Variants in COL24A1 observed in about 807,000 individuals in gnomAD.
The protein encoded by COL24A1 is collagen type XXIV alpha 1 chain, also known as collagen alpha-1(XXIV) chain.
In COL24A1, 224 loss-of-function variants were observed where a neutral mutation model predicts 253.9. That is an observed-to-expected ratio of 0.88 (90% CI 0.79 to 0.99). COL24A1 has a LOEUF of 0.99. Ranked by LOEUF, COL24A1 falls within the 50% of genes least tolerant of loss-of-function variation. The probability of loss-of-function intolerance (pLI) is 0.00; values close to 1 mark genes in which losing one functional copy is unlikely to be tolerated. For synonymous variants in COL24A1, 685 were observed against 673.7 expected, an observed-to-expected ratio of 1.02 and a Z score of -0.26; for missense variants, 2,131 against 2,068.5, an observed-to-expected ratio of 1.03 and a Z score of -0.59.
intron 53 of COL24A1, among the ~76,000 whole-genome samples, chr1:85,766,930 T>C (rs990610881): frequency 6.6e-6 from 1 of 151,844 alleles, no homozygotes; most frequent in African/African-American, 2.4e-5. Context: ...CAGTGAAACC[T>C]CGTTTCTACT....
intron 20 of COL24A1, among the ~76,000 whole-genome samples, chr1:85,980,134 C>T (rs1436671671): frequency 6.6e-6 from 1 of 152,144 alleles, no homozygotes; most frequent in Admixed American, 6.5e-5. Context: ...GAAAATTCAG[C>T]ATCATTTTAT....
chr1:85,822,121 G>A (rs1349743415), intron 45 of COL24A1, among the ~76,000 whole-genome samples: 2 of 151,980 alleles, frequency 1.3e-5, no homozygotes, highest in Non-Finnish European at 2.9e-5. Context: ...GCTTATCTTC[G>A]ATATGATATT....
At chr1:86,115,991 G>A (rs1197860507) in intron 3 of COL24A1, among the ~76,000 whole-genome samples, 1 of 152,168 alleles carries the variant, frequency 6.6e-6, no homozygotes, top group South Asian at 2.1e-4. Flanking sequence ...AGTGTTCTGA[G>A]TTATTTAAAT....
At chr1:86,012,061 T>G (rs140194936) in intron 19 of COL24A1, among the ~76,000 whole-genome samples, 109 of 152,084 alleles carry the variant, frequency 7.2e-4, no homozygotes, top group Admixed American at 1.2e-3. Flanking sequence ...TCAAGCAATC[T>G]TCTCATTGTA....
intron 31 of COL24A1, among the ~76,000 whole-genome samples, chr1:85,890,664 T>C (rs1043702338): frequency 6.6e-6 from 1 of 152,168 alleles, no homozygotes; most frequent in Non-Finnish European, 1.5e-5. Context: ...TCCTATATTG[T>C]GACAAATAAT....
In COL24A1 at chr1:85,896,345, T is replaced by G. The variant is rs778584990; in HGVS notation, c.2832+11A>C. The G allele has an allele frequency of 6.2e-7, 1 of 1,610,854 alleles. No individual in the cohort carries two copies. ...TTAACTACATATGAAATGAGAAAAA[T>G]CAATGATTACCTTGGCACCTTGTAT... On this transcript the variant is annotated intron_variant, in intron 29 of 59. Transcript: ENST00000370571.
In COL24A1 at chr1:85,835,246, C is replaced by T. The variant is rs541527110; in HGVS notation, c.3681+3339G>A. 5.4e-4 allele frequency among the ~76,000 whole-genome samples: 82 copies of T among 152,204 alleles called. 1 individual carries two copies. In the Middle Eastern group the frequency reaches 0.017, roughly 32 times the overall value. ...TCCCGGGTTCAAGTGTTTCTCCTGCCTCAGCCTCCCGAGTAGCTGGGACTA... is the reference window on the plus strand; with the variant it reads ...TCCCGGGTTCAAGTGTTTCTCCTGCTTCAGCCTCCCGAGTAGCTGGGACTA... On this transcript the variant is annotated intron_variant, in intron 43 of 59. Coordinates refer to ENST00000370571, the MANE Select transcript of COL24A1 (RefSeq NM_152890.7).
At chr1:85,865,226 G>A (rs909620841) in intron 37 of COL24A1, among the ~76,000 whole-genome samples, 1 of 151,910 alleles carries the variant, frequency 6.6e-6, no homozygotes, top group African/African-American at 2.4e-5. Context: ...ATCCAAGGTA[G>A]CATCTTTGTG....
At chr1:86,023,262 C>CT (rs1017444388) in intron 14 of COL24A1, among the ~76,000 whole-genome samples, 3 of 152,098 alleles carry the variant, frequency 2.0e-5, no homozygotes, top group African/African-American at 7.2e-5. Flanking sequence ...CTCCTTTGAG[C>CT]TCCTATAATA....
At position 85,849,332 on chromosome 1, in the gene COL24A1, TAAG is replaced by T. The variant is rs772364100; in HGVS notation, c.3354+18_3354+20del. ...CACATCAGAAGAAAGAAAACCTGCA[TAAG>T]AAGATGTAAAAAATTACCTTTTTTC... On this transcript the variant is annotated intron_variant, in intron 38 of 59. Coordinates refer to ENST00000370571, the MANE Select transcript of COL24A1 (RefSeq NM_152890.7). 6.2e-7 allele frequency: 1 copy of T among 1,608,412 alleles called. No individual in the cohort carries two copies. Among genetic ancestry groups the T allele is most frequent in the Non-Finnish European group, 8.5e-7 (1 of 1,175,462 alleles).
intron 32 of COL24A1, among the ~76,000 whole-genome samples, chr1:85,879,888 C>T (rs925771852): frequency 7.9e-5 from 12 of 152,204 alleles, no homozygotes; most frequent in African/African-American, 2.9e-4. Context: ...AAGGGTCAAT[C>T]GTACTTGTCT....
At chr1:86,130,924 G>T (rs549092538) in intron 2 of COL24A1, among the ~76,000 whole-genome samples, 2 of 152,078 alleles carry the variant, frequency 1.3e-5, no homozygotes, top group East Asian at 3.9e-4. Context: ...TTTGGCTGAA[G>T]TTTATCCTCT....
In COL24A1 at chr1:85,784,180, T is replaced by C; in HGVS notation, c.4168-14A>G. Reference sequence around the variant, plus strand: ...ACCATATTCTCCCTGCAAAGTGAATTGACATGATAATAATTATTGTACAAT... The same window carrying C: ...ACCATATTCTCCCTGCAAAGTGAATCGACATGATAATAATTATTGTACAAT... On this transcript the variant is annotated splice_polypyrimidine_tract_variant and intron_variant, in intron 49 of 59. Transcript: ENST00000370571. 3.1e-6 allele frequency: 5 copies of C among 1,613,390 alleles called. No homozygotes were observed. Among genetic ancestry groups the C allele is most frequent in the Non-Finnish European group, 3.4e-6 (4 of 1,179,474 alleles).
intron 59 of COL24A1, among the ~76,000 whole-genome samples, chr1:85,731,765 A>G (rs1371240503): frequency 6.6e-6 from 1 of 152,200 alleles, no homozygotes; most frequent in Non-Finnish European, 1.5e-5. Flanking sequence ...AGAAAGTACA[A>G]TGTAAAAAAT....
At chr1:85,895,114 A>C (rs1433506551) in intron 31 of COL24A1, among the ~76,000 whole-genome samples, 1 of 152,194 alleles carries the variant, frequency 6.6e-6, no homozygotes, top group African/African-American at 2.4e-5. Context: ...GCTCACATAC[A>C]TGTACTATCT....
chr1:85,938,282 C>T lies in COL24A1; in HGVS notation c.2562+22967G>A, dbSNP rs183394063. The stretch of plus-strand genomic sequence containing the variant: ...TGGAGGACTCTGTGCTTTCCATTCC[C>T]ACAAAATGTGAGCTCTGCAGACATG... On this transcript the variant is annotated intron_variant, in intron 24 of 59. Coordinates refer to ENST00000370571, the MANE Select transcript of COL24A1 (RefSeq NM_152890.7). Among the ~76,000 whole-genome samples, 134 of 147,132 alleles carry T rather than the reference C, an allele frequency of 9.1e-4. 10 individuals are homozygous for T. Among genetic ancestry groups the T allele is most frequent in the African/African-American group, 3.2e-3 (128 of 40,222 alleles).
intron 24 of COL24A1, among the ~76,000 whole-genome samples, chr1:85,922,864 C>A (rs1040480902): frequency 1.3e-5 from 2 of 152,252 alleles, no homozygotes; most frequent in South Asian, 4.2e-4. Flanking sequence ...TTAAAAGACA[C>A]GGACTGGCAA....
At chr1:85,733,410 A>G (rs1663713770) in intron 59 of COL24A1, among the ~76,000 whole-genome samples, 1 of 152,182 alleles carries the variant, frequency 6.6e-6, no homozygotes, top group Admixed American at 6.5e-5. Context: ...TTGTAGTGCC[A>G]TAACAGCCAT....
intron 32 of COL24A1, among the ~76,000 whole-genome samples, chr1:85,887,056 T>C (rs1316247906): frequency 6.6e-6 from 1 of 152,222 alleles, no homozygotes; most frequent in Non-Finnish European, 1.5e-5. Flanking sequence ...TTAACTATTT[T>C]TTGAGGTAAG....
Sources: gnomAD v4.1 joint callset for allele counts (sites outside exome capture counted in the v4.1 genomes callset) on GRCh38, gnomAD v4.1.1 for gene constraint, MANE v1.5 for transcripts, NCBI Gene and HGNC (gene_info 2026-07-23, HGNC 2026-07-21) for gene names.